TRERF1: variants seen among roughly 807,000 people sequenced by gnomAD.
The protein encoded by TRERF1 is transcriptional regulating factor 1, also known as transcriptional-regulating factor 1.
A neutral mutation model predicts 122.9 loss-of-function variants in TRERF1; 27 were observed. The observed-to-expected ratio is 0.22, with a 90% CI of 0.16 to 0.30. The LOEUF (loss-of-function observed/expected upper bound fraction) is 0.30, where lower values mean the gene tolerates loss of function less well. Ranked by LOEUF, TRERF1 falls within the 10% of genes least tolerant of loss-of-function variation. The pLI, the probability that TRERF1 is intolerant of heterozygous loss-of-function variation, is 1.00. For synonymous variants in TRERF1, 636 were observed against 641.7 expected, an observed-to-expected ratio of 0.99 and a Z score of 0.13; for missense variants, 1,248 against 1,560.3, an observed-to-expected ratio of 0.80 and a Z score of 3.37.
intron 2 of TRERF1, among the ~76,000 whole-genome samples, chr6:42,440,225 A>G (rs1363613436): frequency 2.0e-5 from 3 of 152,132 alleles, no homozygotes; most frequent in Admixed American, 1.3e-4. Flanking sequence ...TTGCAGCTCT[A>G]GATATTTTGC....
At chr6:42,238,984 A>G (rs1401349674) in intron 15 of TRERF1, among the ~76,000 whole-genome samples, 1 of 152,194 alleles carries the variant, frequency 6.6e-6, no homozygotes, top group African/African-American at 2.4e-5. Flanking sequence ...TTGAACTGAG[A>G]TTCAAAACCT....
At chr6:42,428,048 C>G (rs184344072) in intron 2 of TRERF1, among the ~76,000 whole-genome samples, 1 of 152,102 alleles carries the variant, frequency 6.6e-6, no homozygotes, top group South Asian at 2.1e-4. Flanking sequence ...CATCTAGGGC[C>G]GGAAATAGGA....
In TRERF1 at chr6:42,268,536, T is replaced by C; in HGVS notation, c.1055A>G (p.His352Arg). 1 of 1,614,008 alleles carries C rather than the reference T, an allele frequency of 6.2e-7. No homozygotes were observed. Among genetic ancestry groups the C allele is most frequent in the Non-Finnish European group, 8.5e-7 (1 of 1,179,972 alleles). The change falls in exon 5 of 18, where the codon CAC (histidine) becomes CGC (arginine). Residue 352 changes from histidine to arginine, a missense_variant. Physicochemically the swap from His to Arg is conservative, Grantham distance 29. Around this residue, in one of 5 missense-constraint regions of TRERF1, gnomAD observed 946 missense variants for 1,073.0 expected, o/e 0.88. Coordinates refer to ENST00000372922, the Ensembl canonical transcript of TRERF1. The surrounding 1 kb of genome is among the most constrained non-coding windows in gnomAD (Gnocchi z 4.4). The stretch of plus-strand genomic sequence containing the variant: ...TGGGGTATACTGGTGAGGGTCCCTG[T>C]GATAAGAAGGAGGCTGCAGGTGCAT...
intron 3 of TRERF1, among the ~76,000 whole-genome samples, chr6:42,326,259 T>A (rs1324761341): frequency 1.3e-5 from 2 of 151,982 alleles, no homozygotes; most frequent in Non-Finnish European, 2.9e-5. Context: ...GACAGGGGCC[T>A]GTATGAGGGT....
intron 2 of TRERF1, among the ~76,000 whole-genome samples, chr6:42,440,889 T>C (rs1489904994): frequency 6.6e-6 from 1 of 152,074 alleles, no homozygotes; most frequent in African/African-American, 2.4e-5. Flanking sequence ...CTGCTATTAT[T>C]GAATACCCCA....
exon 6 of TRERF1, chr6:42,265,763 G>A (rs1476781582): frequency 6.2e-7 from 1 of 1,613,196 alleles, no homozygotes; most frequent in Non-Finnish European, 8.5e-7. Context: ...TGACTCAGGG[G>A]ACCCTGGCTG....
At chr6:42,226,322 T>C (rs1246750227) in exon 18 of TRERF1, 1 of 152,232 alleles carries the variant, frequency 6.6e-6, no homozygotes, top group Non-Finnish European at 1.5e-5. Context: ...GCTCCTTTGA[T>C]AGATAAGCTT....
chr6:42,393,518 G>C lies in TRERF1; in HGVS notation c.-453-30439C>G, dbSNP rs181602935. On this transcript the variant is annotated intron_variant, in intron 2 of 17. Coordinates refer to ENST00000372922, the Ensembl canonical transcript of TRERF1. This position sits in a 1 kb window ranked among gnomAD's most constrained non-coding sequence, Gnocchi z 4.1. ...TTAAGCAGATGGTGAATTCCCTGCA[G>C]AGTGCAAAGGTCACGGGAGTGTGCA... is the stretch of plus-strand genomic sequence containing the variant. Among the ~76,000 whole-genome samples the C allele has an allele frequency of 5.3e-4, 81 of 152,352 alleles. No homozygotes were observed. The highest frequency in any genetic ancestry group is 1.9e-3 in the African/African-American group (80 of 41,576).
chr6:42,366,565 C>T (rs1772767340), intron 2 of TRERF1, among the ~76,000 whole-genome samples: 1 of 152,170 alleles, frequency 6.6e-6, no homozygotes, highest in South Asian at 2.1e-4. Context: ...CCTTCCTTTA[C>T]CACCCTTTCA....
intron 4 of TRERF1, among the ~76,000 whole-genome samples, chr6:42,293,671 C>T (rs1004694697): frequency 6.6e-5 from 10 of 151,930 alleles, no homozygotes; most frequent in Admixed American, 1.3e-4. Flanking sequence ...TCCCTCTTCA[C>T]GGGACAGTCA....
chr6:42,255,089 C>A (rs1328501890), intron 12 of TRERF1, among the ~76,000 whole-genome samples, 163 bp from the exon 13 acceptor site: 1 of 152,202 alleles, frequency 6.6e-6, no homozygotes, highest in Admixed American at 6.5e-5. Context: ...GGTTTCATGT[C>A]TGTTCAGCAA....
chr6:42,311,484 G>T (rs1207153393), intron 3 of TRERF1, among the ~76,000 whole-genome samples: 15 of 151,978 alleles, frequency 9.9e-5, no homozygotes. Flanking sequence ...TCATGGAGGG[G>T]CCGGGCGCGG....
At chr6:42,389,570 C>T (rs532288680) in intron 2 of TRERF1, among the ~76,000 whole-genome samples, 2 of 152,302 alleles carry the variant, frequency 1.3e-5, no homozygotes, top group East Asian at 3.9e-4. Flanking sequence ...AAAGAATGTG[C>T]CCAGTAAGCA....
chr6:42,270,199 G>C (rs529761346), intron 4 of TRERF1, among the ~76,000 whole-genome samples: 93 of 152,090 alleles, frequency 6.1e-4, no homozygotes, highest in Non-Finnish European at 1.1e-3. Context: ...CTCTCTCTGT[G>C]TGTGTGTATA....
rs1411425573 is a variant in TRERF1 at position 42,232,269 on chromosome 6, C to T, written c.3278+412G>A. Among the ~76,000 whole-genome samples, 3 of 152,142 alleles carry T rather than the reference C, an allele frequency of 2.0e-5. No homozygotes were observed. The highest frequency in any genetic ancestry group is 7.2e-5 in the African/African-American group (3 of 41,422). ...AAGTAAGCGAAGGTGGTAGGATTAC[C>T]CTGTATGAGCCATCTGTGTTACAGA... On this transcript the variant is annotated intron_variant, in intron 17 of 17. Coordinates refer to ENST00000372922, the Ensembl canonical transcript of TRERF1. The surrounding 1 kb of genome is among the most constrained non-coding windows in gnomAD (Gnocchi z 4.5).
rs1779580493 is a variant in TRERF1 at position 42,268,311 on chromosome 6, C to T, written c.1280G>A (p.Gly427Glu). Reference sequence around the variant, plus strand: ...GTCTCCCATTCCTGTGTCAGGAGGCCCCAGGTCCCCATGGGAGCTCAGCAT... The same window carrying T: ...GTCTCCCATTCCTGTGTCAGGAGGCTCCAGGTCCCCATGGGAGCTCAGCAT... Residue 427 changes from glycine to glutamate, a missense_variant, in exon 5 of 18, where the codon GGG becomes GAG. Gly to Glu is a moderately conservative substitution (Grantham distance 98). Around this residue, in one of 5 missense-constraint regions of TRERF1, gnomAD observed 946 missense variants for 1,073.0 expected, o/e 0.88. Coordinates refer to ENST00000372922, the Ensembl canonical transcript of TRERF1. The surrounding 1 kb of genome is among the most constrained non-coding windows in gnomAD (Gnocchi z 4.4). 2 of 1,514,576 alleles carry T rather than the reference C, an allele frequency of 1.3e-6. No homozygotes were observed. The highest frequency in any genetic ancestry group is 2.7e-5 in the South Asian group (2 of 74,382). The allele number at this position is 1,514,576 out of a possible 1,614,324, so 93.8% of individuals were successfully genotyped here.
At chr6:42,336,451 G>T (rs1422530993) in intron 3 of TRERF1, among the ~76,000 whole-genome samples, 2 of 152,064 alleles carry the variant, frequency 1.3e-5, no homozygotes, top group Admixed American at 1.3e-4. Context: ...AGCCATAAAT[G>T]CCCATTTCTA....
At chr6:42,383,719 C>A (rs765220650) in intron 2 of TRERF1, among the ~76,000 whole-genome samples, 2 of 152,034 alleles carry the variant, frequency 1.3e-5, no homozygotes, top group Non-Finnish European at 2.9e-5. Context: ...TGCCCCAGTC[C>A]CCAGAGTGGG....
At chr6:42,423,136 G>A (rs1286776052) in intron 2 of TRERF1, among the ~76,000 whole-genome samples, 3 of 152,238 alleles carry the variant, frequency 2.0e-5, no homozygotes, top group Non-Finnish European at 2.9e-5. Context: ...ACCGTGCCCA[G>A]CCATGGGCAT....
Sources: allele counts gnomAD v4.1 joint callset (sites outside exome capture counted in the v4.1 genomes callset), GRCh38; gene constraint gnomAD v4.1.1; regional missense constraint gnomAD v4.1.1; non-coding constraint Gnocchi (gnomAD v3.1); transcripts MANE v1.5; gene names NCBI Gene and HGNC (gene_info 2026-07-23, HGNC 2026-07-21).